Variants in ABL1 observed in about 807,000 individuals in gnomAD.
The protein encoded by ABL1 is ABL proto-oncogene 1, non-receptor tyrosine kinase.
In ABL1, 11 loss-of-function variants were observed where a neutral mutation model predicts 94.7. The observed-to-expected ratio is 0.12, with a 90% CI of 0.07 to 0.19. ABL1 has a LOEUF of 0.19. Ranked by LOEUF, ABL1 falls within the 10% of genes least tolerant of loss-of-function variation. The pLI is 1.00. For synonymous variants in ABL1, 656 were observed against 622.4 expected (o/e 1.05, Z -0.80); for missense variants, 1,082 against 1,489.4 (o/e 0.73, Z 4.50).
At chr9:130,720,036 T>C (rs1831495975) in intron 1 of ABL1, among the ~76,000 whole-genome samples, 1 of 152,256 alleles carries the variant, frequency 6.6e-6, no homozygotes, top group South Asian at 2.1e-4. Flanking sequence ...GGTACAACAA[T>C]TGAAAGCACT....
rs80286336 is a variant in ABL1 at position 130,859,388 on chromosome 9, G to A, written c.550-3375G>A. ...CCTCTTAGATGTTTAAGGTTTACCCGCCCTGACAGTGGCTCAGCAGGCGTA... is the reference window on the plus strand; with the variant it reads ...CCTCTTAGATGTTTAAGGTTTACCCACCCTGACAGTGGCTCAGCAGGCGTA... On this transcript the variant is annotated intron_variant, in intron 3 of 10. Coordinates refer to ENST00000318560, the MANE Select transcript of ABL1 (RefSeq NM_005157.6). Among the ~76,000 whole-genome samples, 1,033 of 152,296 alleles carry A rather than the reference G, an allele frequency of 6.8e-3. 11 individuals are homozygous for A. The highest frequency in any genetic ancestry group is 0.023 in the African/African-American group (968 of 41,560).
intron 1 of ABL1, among the ~76,000 whole-genome samples, chr9:130,727,157 G>A (rs1166679620): frequency 6.6e-6 from 1 of 151,004 alleles, no homozygotes; most frequent in East Asian, 1.9e-4. Context: ...AAATCAAGTT[G>A]TTTCATGCTT....
chr9:130,733,260 A>G (rs748656649), intron 1 of ABL1, among the ~76,000 whole-genome samples: 8 of 152,220 alleles, frequency 5.3e-5, no homozygotes, highest in Non-Finnish European at 8.8e-5. Context: ...CAGCCAACCC[A>G]GTATCAAGAG....
At chr9:130,808,832 T>C (rs1166511208) in intron 1 of ABL1, among the ~76,000 whole-genome samples, 1 of 152,208 alleles carries the variant, frequency 6.6e-6, no homozygotes, top group African/African-American at 2.4e-5. Flanking sequence ...TTGGCTAAGC[T>C]AATGGGGCTC....
At chr9:130,762,909 C>CAA (rs5900905) in intron 1 of ABL1, among the ~76,000 whole-genome samples, 5,007 of 92,698 alleles carry the variant, frequency 0.054, 168 homozygotes, top group African/African-American at 0.094. Flanking sequence ...GACTCCGTCT[C>CAA]AAAAAAAAAA....
At chr9:130,730,164 C>T (rs1236463606) in intron 1 of ABL1, among the ~76,000 whole-genome samples, 2 of 151,524 alleles carry the variant, frequency 1.3e-5, no homozygotes, top group Non-Finnish European at 2.9e-5. Flanking sequence ...CTGCCTCAGC[C>T]TCCCGAGTAG....
chr9:130,872,558 T>C lies in ABL1; in HGVS notation c.908-302T>C, dbSNP rs1831271625. On this transcript the variant is annotated intron_variant, in intron 5 of 10. Transcript: ENST00000318560. The surrounding 1 kb of genome is among the most constrained non-coding windows in gnomAD (Gnocchi z 5.0). ...GACACATAACCATCAGACCTAACCA[T>C]TCAGGGGTAAACTGACGGTGGTGAA... Among the ~76,000 whole-genome samples the C allele has an allele frequency of 6.6e-6, 1 of 152,198 alleles. No individual in the cohort carries two copies. Among genetic ancestry groups the C allele is most frequent in the Admixed American group, 6.5e-5 (1 of 15,280 alleles).
At chr9:130,824,720 C>A (rs1337225025) in intron 1 of ABL1, among the ~76,000 whole-genome samples, 3 of 152,152 alleles carry the variant, frequency 2.0e-5, no homozygotes, top group African/African-American at 7.2e-5. Flanking sequence ...TGTTTTCAAG[C>A]GGCTGCATGG....
Position 130,883,818 on chromosome 9 carries a change from G to A in ABL1, c.1679-151G>A, listed in dbSNP as rs533073689. On this transcript the variant is annotated intron_variant, in intron 10 of 10. Coordinates refer to ENST00000318560, the MANE Select transcript of ABL1 (RefSeq NM_005157.6). ...AGGGATGACCTTTGACAATTTTTTT[G>A]TTTGTTTGTTTGTTTGTTTTGAGAT... 6.5e-6 allele frequency: 6 copies of A among 921,738 alleles called. No individual in the cohort carries two copies. In the East Asian group the frequency reaches 8.1e-5, roughly 12 times the overall value. The allele number at this position is 921,738 out of a possible 1,614,324, so 57.1% of individuals were successfully genotyped here. A position where few individuals can be genotyped will look rare whatever the true frequency, so the allele number is the denominator to read the frequency against.
intron 1 of ABL1, among the ~76,000 whole-genome samples, chr9:130,797,931 A>G (rs930660045): frequency 2.6e-5 from 4 of 151,970 alleles, no homozygotes; most frequent in Admixed American, 6.6e-5. Context: ...ACTGTGCCCC[A>G]TGTCTTTTCA....
intron 10 of ABL1, among the ~76,000 whole-genome samples, 193 bp from the exon 11 acceptor site, chr9:130,883,776 A>G (rs1831508143): frequency 6.6e-6 from 1 of 152,204 alleles, no homozygotes; most frequent in Non-Finnish European, 1.5e-5. Context: ...ATGGGCCATT[A>G]TGCACAGGAG....
chr9:130,832,578 T>C (rs979828012), upstream of ABL1, among the ~76,000 whole-genome samples: 2 of 152,214 alleles, frequency 1.3e-5, no homozygotes, highest in Admixed American at 1.3e-4. Flanking sequence ...ACTTGTGAAA[T>C]GGAATTAAAC....
chr9:130,742,413 T>C (rs1831831578), intron 1 of ABL1, among the ~76,000 whole-genome samples: 1 of 152,156 alleles, frequency 6.6e-6, no homozygotes, highest in Non-Finnish European at 1.5e-5. Context: ...TCTCCTGAAG[T>C]GCATTGGGAA....
intron 1 of ABL1, among the ~76,000 whole-genome samples, chr9:130,800,762 T>G (rs545144174): frequency 4.3e-4 from 65 of 152,334 alleles, no homozygotes; most frequent in African/African-American, 1.6e-3. Context: ...TTGCATTATA[T>G]GAATATCTCA....
intron 1 of ABL1, among the ~76,000 whole-genome samples, chr9:130,841,450 G>T (rs922766260): frequency 2.4e-4 from 37 of 152,008 alleles, no homozygotes; most frequent in Admixed American, 6.5e-5. Context: ...AATTTGTTAG[G>T]CCACATTCAA....
chr9:130,760,039 T>C (rs1026538134), intron 1 of ABL1, among the ~76,000 whole-genome samples: 1 of 147,656 alleles, frequency 6.8e-6, no homozygotes, highest in African/African-American at 2.5e-5. Context: ...ACTCCTGGGC[T>C]TAGGCAATCC....
chr9:130,883,018 G>C (rs1831489938), intron 10 of ABL1, among the ~76,000 whole-genome samples: 2 of 152,068 alleles, frequency 1.3e-5, no homozygotes, highest in South Asian at 4.1e-4. Context: ...CCCCAGAGGA[G>C]CACCCAAGCG....
chr9:130,732,801 G>C (rs1042947134), intron 1 of ABL1, among the ~76,000 whole-genome samples: 1 of 150,538 alleles, frequency 6.6e-6, no homozygotes, highest in Non-Finnish European at 1.5e-5. Context: ...CACTGTGTCC[G>C]TCTGTTCTTC....
intron 1 of ABL1, among the ~76,000 whole-genome samples, chr9:130,750,761 C>T (rs188298731): frequency 1.1e-4 from 17 of 148,068 alleles, no homozygotes; most frequent in Non-Finnish European, 4.4e-5. Flanking sequence ...ATTCTTCTGC[C>T]TCAGCCTCCC....
Sources: gnomAD v4.1 joint callset for allele counts (sites outside exome capture counted in the v4.1 genomes callset) on GRCh38, gnomAD v4.1.1 for gene constraint, Gnocchi (gnomAD v3.1) non-coding constraint, MANE v1.5 for transcripts, NCBI Gene and HGNC (gene_info 2026-07-23, HGNC 2026-07-21) for gene names.